The following TSGA10 variants were observed in gnomAD, a reference collection of about 807,000 sequenced individuals.
The protein encoded by TSGA10 is testis specific 10, also known as testis-specific gene 10 protein.
In TSGA10, 43 loss-of-function variants were observed where a neutral mutation model predicts 96.6. That is an observed-to-expected ratio of 0.44 (90% CI 0.35 to 0.57). The LOEUF is 0.57. TSGA10 is among the 20% of genes least tolerant of loss of function. TSGA10 has a pLI of 0.01. For missense variants in TSGA10, 703 were observed against 834.4 expected (o/e 0.84, Z 1.94); for synonymous variants, 229 against 269.9 (o/e 0.85, Z 1.48).
rs77141720 is a variant in TSGA10 at position 99,149,201 on chromosome 2, G to A, written c.-621+5492C>T. Among the ~76,000 whole-genome samples the A allele has an allele frequency of 3.2e-3, 478 of 149,812 alleles. 15 individuals carry two copies. The East Asian group carries it at 0.077, about 24-fold the overall frequency. ...AAAAAAAAAATGGGTGAGGGATTTC[G>A]ATCGAAGCTGTGGAATCTGCTCCAG... is the stretch of plus-strand genomic sequence containing the variant. On this transcript the variant is annotated intron_variant, in intron 1 of 20. Coordinates refer to ENST00000393483, the MANE Select transcript of TSGA10 (RefSeq NM_025244.4).
intron 12 of TSGA10, among the ~76,000 whole-genome samples, chr2:99,074,438 C>T (rs1171258349): frequency 6.7e-6 from 1 of 149,068 alleles, no homozygotes; most frequent in Non-Finnish European, 1.5e-5. Context: ...TCCCATTCTG[C>T]TTTCTCATGG....
intron 20 of TSGA10, among the ~76,000 whole-genome samples, chr2:99,002,862 C>CT (rs61204458): frequency 0.019 from 2,723 of 143,604 alleles, 26 homozygotes; most frequent in Middle Eastern, 0.032. Flanking sequence ...ATAAAACAAA[C>CT]TTTTTTTTTT....
intron 14 of TSGA10, among the ~76,000 whole-genome samples, chr2:99,069,533 C>A (rs923473919): frequency 1.3e-5 from 2 of 151,616 alleles, no homozygotes; most frequent in African/African-American, 4.8e-5. Flanking sequence ...AAAAAAGAAA[C>A]CTCAGCTGGG....
intron 20 of TSGA10, among the ~76,000 whole-genome samples, chr2:99,004,002 T>A (rs1296189238): frequency 6.6e-6 from 1 of 152,016 alleles, no homozygotes; most frequent in Non-Finnish European, 1.5e-5. Context: ...AATCAATGAA[T>A]CCAGGAGCTG....
chr2:99,041,467 C>T (rs376583037), intron 16 of TSGA10, among the ~76,000 whole-genome samples: 3 of 152,134 alleles, frequency 2.0e-5, no homozygotes, highest in East Asian at 3.8e-4. Flanking sequence ...TAGCATGGTA[C>T]TGGTATAAAA....
intron 10 of TSGA10, among the ~76,000 whole-genome samples, chr2:99,089,284 T>C (rs540015494): frequency 5.3e-5 from 8 of 152,218 alleles, no homozygotes; most frequent in Admixed American, 2.6e-4. Flanking sequence ...ATCTCTGACA[T>C]TGTCTCACAG....
At chr2:99,149,690 C>T (rs1424067973) in intron 1 of TSGA10, among the ~76,000 whole-genome samples, 2 of 151,818 alleles carry the variant, frequency 1.3e-5, no homozygotes, top group African/African-American at 4.8e-5. Context: ...GATCCACCCA[C>T]CTCAGCCTCC....
At chr2:99,104,211 T>C in intron 9 of TSGA10, 93 bp from the exon 10 acceptor site, 1 of 1,383,004 alleles carries the variant, frequency 7.2e-7, no homozygotes, top group Non-Finnish European at 9.9e-7. Context: ...AACTGGTTTA[T>C]GGCAAGACTG....
At chr2:99,035,597 C>G (rs1462841575) in intron 16 of TSGA10, among the ~76,000 whole-genome samples, 158 bp from the exon 17 acceptor site, 1 of 147,744 alleles carries the variant, frequency 6.8e-6, no homozygotes, top group Non-Finnish European at 1.5e-5. Flanking sequence ...ACAAAACAGT[C>G]TAAGATAAAT....
At chr2:99,085,117 T>C (rs752517125) in intron 10 of TSGA10, among the ~76,000 whole-genome samples, 1 of 151,762 alleles carries the variant, frequency 6.6e-6, no homozygotes, top group Non-Finnish European at 1.5e-5. Flanking sequence ...CACAGTGGCA[T>C]GCACCTGCAA....
rs2085114853 is a variant in TSGA10, at chr2:99,065,065, G to C, written c.1278C>G (p.Asn426Lys). ...QLRKANEDAE[N>K]WENKARQSEA... ...CTGATTGACGGGCTTTATTTTCCCA[G>C]TTTTCAGCATCTTCATTGGCTTTTC... The change falls in exon 16 of 21, where the codon AAC (asparagine) becomes AAG (lysine). Residue 426 changes from asparagine to lysine, a missense_variant. Transcript: ENST00000393483. 2 of 1,613,442 alleles carry C rather than the reference G, an allele frequency of 1.2e-6. No individual in the cohort carries two copies. The highest frequency in any genetic ancestry group is 8.5e-7 in the Non-Finnish European group (1 of 1,179,756).
At chr2:99,138,350 T>C (rs1327426696) in intron 1 of TSGA10, among the ~76,000 whole-genome samples, 1 of 152,198 alleles carries the variant, frequency 6.6e-6, no homozygotes, top group Non-Finnish European at 1.5e-5. Flanking sequence ...TGAAATTATA[T>C]CATTTGCTGA....
At chr2:99,004,857 C>G (rs1440797742) in intron 20 of TSGA10, among the ~76,000 whole-genome samples, 4 of 152,154 alleles carry the variant, frequency 2.6e-5, no homozygotes, top group Non-Finnish European at 5.9e-5. Flanking sequence ...AATTTTAGAC[C>G]AATATCCTTG....
chr2:99,150,732 A>G (rs1162660988), intron 1 of TSGA10: 2 of 1,614,048 alleles, frequency 1.2e-6, no homozygotes, highest in South Asian at 2.2e-5. Context: ...AAAACTTTAC[A>G]AGGATTGAAG....
At chr2:99,123,712 T>C (rs6751927) in intron 2 of TSGA10, among the ~76,000 whole-genome samples, 88,203 of 152,022 alleles carry the variant, frequency 0.58, 26,469 homozygotes, top group East Asian at 0.88. Flanking sequence ...TTGCCTATTC[T>C]AGGCAGAGGT....
At chr2:99,097,625 T>C (rs980219742) in intron 10 of TSGA10, among the ~76,000 whole-genome samples, 1 of 152,116 alleles carries the variant, frequency 6.6e-6, no homozygotes, top group Non-Finnish European at 1.5e-5. Context: ...AATGATTTTT[T>C]AAATACCCCA....
chr2:99,061,402 C>T (rs1007783128), intron 16 of TSGA10, among the ~76,000 whole-genome samples: 6 of 152,120 alleles, frequency 3.9e-5, no homozygotes, highest in African/African-American at 1.4e-4. Context: ...ACAGTGCAAG[C>T]GGGAGTGTAA....
intron 1 of TSGA10, among the ~76,000 whole-genome samples, chr2:99,142,935 C>T (rs1045865857): frequency 6.6e-6 from 1 of 151,922 alleles, no homozygotes; most frequent in African/African-American, 2.4e-5. Flanking sequence ...TTATGTATGC[C>T]ACCTAGACGG....
intron 14 of TSGA10, among the ~76,000 whole-genome samples, chr2:99,070,904 T>C (rs1379836507): frequency 1.3e-5 from 2 of 152,178 alleles, no homozygotes; most frequent in Non-Finnish European, 2.9e-5. Context: ...CTGAAGTCCA[T>C]ACTTTATTCA....
Sources: gnomAD v4.1 joint callset for allele counts (sites outside exome capture counted in the v4.1 genomes callset) on GRCh38, gnomAD v4.1.1 for gene constraint, MANE v1.5 for transcripts, NCBI Gene and HGNC (gene_info 2026-07-23, HGNC 2026-07-21) for gene names.